The following PPARGC1A variants were observed in gnomAD, a reference collection of about 807,000 sequenced individuals.
PPARGC1A encodes PPARG coactivator 1 alpha.
A neutral mutation model predicts 88.7 loss-of-function variants in PPARGC1A; 25 were observed. That is an observed-to-expected ratio of 0.28 (90% CI 0.21 to 0.39). The LOEUF is 0.39. Among genes scored for constraint, PPARGC1A ranks in the 10% least tolerant of loss-of-function variants. The pLI is 1.00. For missense variants in PPARGC1A, 880 were observed against 968.7 expected (o/e 0.91, Z 1.22); for synonymous variants, 363 against 355.6 (o/e 1.02, Z -0.24).
chr4:24,437,660 T>G, the PPARGC1A span, among the ~76,000 whole-genome samples: 4 of 136,576 alleles, frequency 2.9e-5, no homozygotes, highest in Non-Finnish European at 6.7e-5. Flanking sequence ...TTTTTGGGGG[T>G]TTTTTTCTTT....
At chr4:23,988,830 T>C in the PPARGC1A span, among the ~76,000 whole-genome samples, 1 of 148,260 alleles carries the variant, frequency 6.7e-6, no homozygotes, top group African/African-American at 2.5e-5. Context: ...ATATTTTAAA[T>C]AGCATTATAT....
At chr4:23,974,322 C>T in the PPARGC1A span, among the ~76,000 whole-genome samples, 1 of 152,218 alleles carries the variant, frequency 6.6e-6, no homozygotes, top group East Asian at 1.9e-4. Flanking sequence ...AACAATAATA[C>T]CGACCATAAC....
chr4:23,982,504 A>G, the PPARGC1A span, among the ~76,000 whole-genome samples: 3 of 152,196 alleles, frequency 2.0e-5, no homozygotes, highest in Non-Finnish European at 2.9e-5. Context: ...TCACATGGCC[A>G]CACTCCACTA....
the PPARGC1A span, among the ~76,000 whole-genome samples, chr4:24,296,046 GTGTATGTGTA>G: frequency 6.7e-6 from 1 of 148,988 alleles, no homozygotes; most frequent in African/African-American, 2.4e-5. Flanking sequence ...ATGTGTATGT[GTGTATGTGTA>G]TATATGTGTA....
At chr4:23,918,981 C>G in the PPARGC1A span, among the ~76,000 whole-genome samples, 1 of 151,930 alleles carries the variant, frequency 6.6e-6, no homozygotes, top group African/African-American at 2.4e-5. Context: ...ATTTTAGGAC[C>G]CATCTATTTT....
At chr4:24,333,780 A>G in the PPARGC1A span, among the ~76,000 whole-genome samples, 2 of 152,056 alleles carry the variant, frequency 1.3e-5, no homozygotes, top group East Asian at 3.9e-4. Flanking sequence ...CTAAAAGTAC[A>G]GAAATTAGCC....
chr4:24,288,645 G>A, the PPARGC1A span, among the ~76,000 whole-genome samples: 13 of 152,130 alleles, frequency 8.5e-5, no homozygotes, highest in South Asian at 2.1e-4. Context: ...AAGAGGATGC[G>A]AAAGACTAAC....
the PPARGC1A span, among the ~76,000 whole-genome samples, chr4:23,987,768 C>G: frequency 6.6e-6 from 1 of 151,962 alleles, no homozygotes; most frequent in African/African-American, 2.4e-5. Flanking sequence ...AGGTTAGCAC[C>G]TGATAGGTTA....
the PPARGC1A span, among the ~76,000 whole-genome samples, chr4:24,194,144 A>AAG: frequency 2.6e-5 from 4 of 151,674 alleles, no homozygotes; most frequent in East Asian, 7.8e-4. Context: ...AAAAAAAAAA[A>AAG]AGTACACCAA....
chr4:24,342,829 C>A, the PPARGC1A span, among the ~76,000 whole-genome samples: 1 of 152,154 alleles, frequency 6.6e-6, no homozygotes, highest in South Asian at 2.1e-4. Flanking sequence ...TCCTGGGATA[C>A]CTTGCTCTGC....
chr4:24,246,860 T>C, the PPARGC1A span, among the ~76,000 whole-genome samples: 1 of 152,086 alleles, frequency 6.6e-6, no homozygotes, highest in African/African-American at 2.4e-5. Context: ...TCTCAAAGTG[T>C]GAGCCACAGA....
chr4:23,918,065 A>G, the PPARGC1A span, among the ~76,000 whole-genome samples: 3 of 152,258 alleles, frequency 2.0e-5, no homozygotes, highest in South Asian at 6.2e-4. Context: ...TTTAGCTTAT[A>G]AAACTCTGGC....
rs1280177769 is a variant in PPARGC1A, at chr4:23,814,109, G to T, written c.1374C>A (p.Ile458=). 6.2e-7 allele frequency: 1 copy of T among 1,613,940 alleles called. No individual in the cohort carries two copies. The highest frequency in any genetic ancestry group is 1.7e-5 in the Admixed American group (1 of 59,982). Residue 458 remains isoleucine, a synonymous_variant, in exon 8 of 13, where the codon ATC becomes ATA. Transcript: ENST00000264867. ...STRKQLQDQE[I]RAELNKHFGH... ...CGAAGTGCTTGTTCAGCTCGGCTCG[G>T]ATTTCCTGGTCTTGGAGCTGTTTTC...
chr4:24,302,718 C>T, the PPARGC1A span, among the ~76,000 whole-genome samples: 3 of 152,162 alleles, frequency 2.0e-5, no homozygotes, highest in Admixed American at 6.5e-5. Context: ...CCATTTGTGC[C>T]ATTTGTCATG....
intron 7 of PPARGC1A, among the ~76,000 whole-genome samples, chr4:23,822,318 A>AT (rs897520535): frequency 3.3e-5 from 5 of 151,782 alleles, no homozygotes; most frequent in Non-Finnish European, 4.4e-5. Context: ...AAATCTGTGC[A>AT]TTTTTTTTGT....
chr4:24,170,954 T>G, the PPARGC1A span, among the ~76,000 whole-genome samples: 1 of 152,170 alleles, frequency 6.6e-6, no homozygotes, highest in Non-Finnish European at 1.5e-5. Flanking sequence ...CCCTGGCTGA[T>G]TCTTGTGTGT....
At chr4:23,901,369 CAAAAAAA>C (rs766239228), upstream of PPARGC1A, among the ~76,000 whole-genome samples, 1 of 71,722 alleles carries the variant, frequency 1.4e-5, no homozygotes, top group Admixed American at 1.8e-4. Flanking sequence ...GACTCCGTCT[CAAAAAAA>C]AAAAAAAAAA....
the PPARGC1A span, among the ~76,000 whole-genome samples, chr4:24,430,255 C>CTTTT: frequency 3.6e-5 from 4 of 110,762 alleles, no homozygotes; most frequent in East Asian, 2.5e-4. Context: ...TTTTGTATTT[C>CTTTT]TTTTTTTTTT....
the PPARGC1A span, among the ~76,000 whole-genome samples, chr4:24,263,462 C>CATGTGGGTGT: frequency 3.9e-5 from 2 of 51,450 alleles, no homozygotes; most frequent in Admixed American, 3.3e-4. Flanking sequence ...TGTATACACA[C>CATGTGGGTGT]ACACACACAC....
Sources: allele counts gnomAD v4.1 joint callset (sites outside exome capture counted in the v4.1 genomes callset), GRCh38; gene constraint gnomAD v4.1.1; transcripts MANE v1.5; gene names NCBI Gene and HGNC (gene_info 2026-07-23, HGNC 2026-07-21).